CPM: variants seen among roughly 807,000 people sequenced by gnomAD.
CPM encodes renal carboxypeptidase.
Under a neutral mutation model 46.4 loss-of-function variants are expected in CPM, and 35 were observed. That is an observed-to-expected ratio of 0.75 (90% CI 0.58 to 1.00). The LOEUF (loss-of-function observed/expected upper bound fraction) is 1.00, where lower values mean the gene tolerates loss of function less well. CPM is among the 50% of genes least tolerant of loss of function. CPM has a pLI of 0.00. For synonymous variants in CPM, 195 were observed against 195.3 expected, an observed-to-expected ratio of 1.00 and a Z score of 0.01; for missense variants, 422 against 530.4, an observed-to-expected ratio of 0.80 and a Z score of 2.01.
chr12:68,957,868 T>C (rs1592717509), intron 1 of CPM, among the ~76,000 whole-genome samples: 1 of 119,404 alleles, frequency 8.4e-6, no homozygotes, highest in Non-Finnish European at 1.7e-5. Context: ...CAGGCCCCAG[T>C]GTGTGATGTT....
At chr12:68,961,004 C>A (rs911096392) in intron 1 of CPM, among the ~76,000 whole-genome samples, 2 of 152,042 alleles carry the variant, frequency 1.3e-5, no homozygotes, top group African/African-American at 4.8e-5. Flanking sequence ...GACTGTCATC[C>A]CCAGTAAAAA....
intron 1 of CPM, among the ~76,000 whole-genome samples, chr12:68,945,135 T>C (rs1445880228): frequency 4.6e-5 from 7 of 152,180 alleles, no homozygotes; most frequent in Admixed American, 3.9e-4. Context: ...ATTATAAAAG[T>C]ATACCTATAC....
chr12:68,880,450 C>T (rs1690918), intron 3 of CPM, among the ~76,000 whole-genome samples: 121,932 of 152,160 alleles, frequency 0.8, 48,992 homozygotes, highest in African/African-American at 0.87. Flanking sequence ...TGTTGCCCTC[C>T]AAGAGCTTGT....
At chr12:68,911,451 A>G (rs1887590786) in intron 2 of CPM, among the ~76,000 whole-genome samples, 1 of 152,188 alleles carries the variant, frequency 6.6e-6, no homozygotes, top group African/African-American at 2.4e-5. Context: ...AAGTTACTTA[A>G]CCACTGGCAA....
intron 2 of CPM, among the ~76,000 whole-genome samples, chr12:68,893,316 C>T (rs1886734293): frequency 6.6e-6 from 1 of 152,086 alleles, no homozygotes; most frequent in African/African-American, 2.4e-5. Context: ...TTGGGCCAGT[C>T]CACATGAACA....
rs1157168767 is a variant in CPM, at chr12:68,854,052, T to C, written c.*2385A>G. 2.0e-5 allele frequency: 3 copies of C among 152,188 alleles called. No individual in the cohort carries two copies. The highest frequency in any genetic ancestry group is 2.9e-5 in the Non-Finnish European group (2 of 68,028). The allele number at this position is 152,188 out of a possible 1,614,324, so 9.4% of individuals were successfully genotyped here. A position where few individuals can be genotyped will look rare whatever the true frequency, so the allele number is the denominator to read the frequency against. ...TCTGATAAAAAAAGGTACTTTGTAG[T>C]GCTGTTAGGAGGTAACATAATACCT... On this transcript the variant is annotated 3_prime_UTR_variant, in exon 9 of 9. Transcript: ENST00000551568.
chr12:68,929,334 AT>A (rs1296820930), intron 2 of CPM, among the ~76,000 whole-genome samples: 1 of 152,144 alleles, frequency 6.6e-6, no homozygotes, highest in Non-Finnish European at 1.5e-5. Flanking sequence ...GATATAGATT[AT>A]TGATTATGTG....
chr12:68,941,780 C>G (rs977685956), intron 1 of CPM, among the ~76,000 whole-genome samples: 1 of 152,152 alleles, frequency 6.6e-6, no homozygotes, highest in South Asian at 2.1e-4. Context: ...TGGTACCTCC[C>G]CCAGTACTAA....
chr12:68,882,043 T>TC (rs1886216940), intron 3 of CPM, among the ~76,000 whole-genome samples: 1 of 151,334 alleles, frequency 6.6e-6, no homozygotes, highest in Non-Finnish European at 1.5e-5. Context: ...TTTTTTTTTT[T>TC]TTTAACATTT....
chr12:68,963,224 G>A (rs531958634), exon 1 of CPM: 15 of 198,600 alleles, frequency 7.6e-5, no homozygotes, highest in African/African-American at 2.8e-4. Context: ...TGTCCCATAC[G>A]CAGAAGGAAG....
intron 1 of CPM, among the ~76,000 whole-genome samples, chr12:68,959,046 G>A (rs886870564): frequency 2.0e-5 from 3 of 152,064 alleles, no homozygotes; most frequent in Non-Finnish European, 4.4e-5. Flanking sequence ...CTGCACCCCA[G>A]CTGTCATTTC....
At chr12:68,946,047 G>A (rs949278573) in intron 1 of CPM, among the ~76,000 whole-genome samples, 1 of 150,190 alleles carries the variant, frequency 6.7e-6, no homozygotes, top group Non-Finnish European at 1.5e-5. Flanking sequence ...GTAGAGATGG[G>A]GTCTCCCTAT....
At chr12:68,915,244 AG>A (rs1340601571) in intron 2 of CPM, among the ~76,000 whole-genome samples, 2 of 152,188 alleles carry the variant, frequency 1.3e-5, no homozygotes, top group African/African-American at 4.8e-5. Flanking sequence ...CAATGACAAA[AG>A]CCTTCTAAAA....
Position 68,900,451 on chromosome 12 carries a change from C to T in CPM, c.161-14562G>A, listed in dbSNP as rs527787317. Reference sequence around the variant, plus strand: ...CATTGCTGGTGGGAATGCAAAATGGCCAATTTGGAAAGCAGTTTGCAAGTG... The same window carrying T: ...CATTGCTGGTGGGAATGCAAAATGGTCAATTTGGAAAGCAGTTTGCAAGTG... On this transcript the variant is annotated intron_variant, in intron 2 of 8. Transcript: ENST00000551568. Among the ~76,000 whole-genome samples the T allele has an allele frequency of 5.9e-5, 9 of 152,234 alleles. No homozygotes were observed. In the South Asian group the frequency reaches 1.9e-3, roughly 32 times the overall value.
At chr12:68,896,910 T>C (rs368253155) in intron 2 of CPM, among the ~76,000 whole-genome samples, 87 of 150,668 alleles carry the variant, frequency 5.8e-4, no homozygotes, top group South Asian at 2.7e-3. Context: ...ACGTTTTTAA[T>C]TGAAAAAAAA....
At chr12:68,884,255 C>A (rs974922128) in intron 3 of CPM, among the ~76,000 whole-genome samples, 16 of 152,228 alleles carry the variant, frequency 1.1e-4, no homozygotes, top group African/African-American at 3.9e-4. Flanking sequence ...TGGTCAGACT[C>A]CTTGCAACGT....
chr12:68,903,531 A>C (rs60365286), intron 2 of CPM, among the ~76,000 whole-genome samples: 18,146 of 152,250 alleles, frequency 0.12, 1,193 homozygotes, highest in East Asian at 0.17. Flanking sequence ...CTTAAAATGT[A>C]AGTTGAGAAA....
In CPM at chr12:68,856,309, CTCT is replaced by C; in HGVS notation, c.*125_*127del. On this transcript the variant is annotated 3_prime_UTR_variant, in exon 9 of 9. Transcript: ENST00000551568. ...TTGTGGAATTTGGAAACATCCATTT[CTCT>C]TCTTCAGGAAGATCGTGGAGTTTCT... is the stretch of plus-strand genomic sequence containing the variant. 1 of 1,051,880 alleles carries C rather than the reference CTCT, an allele frequency of 9.5e-7. No individual in the cohort carries two copies. Among genetic ancestry groups the C allele is most frequent in the South Asian group, 1.6e-5 (1 of 62,694 alleles). 65.2% of individuals were successfully genotyped at this position (1,051,880 alleles called of 1,614,324 possible).
intron 3 of CPM, 27 bp downstream of exon 3, chr12:68,885,765 T>A: frequency 6.3e-7 from 1 of 1,578,182 alleles, no homozygotes; most frequent in South Asian, 1.1e-5. Flanking sequence ...TCTGGTGACA[T>A]TTCAGAAATT....
Sources: gnomAD v4.1 joint callset for allele counts (sites outside exome capture counted in the v4.1 genomes callset) on GRCh38, gnomAD v4.1.1 for gene constraint, MANE v1.5 for transcripts, NCBI Gene and HGNC (gene_info 2026-07-23, HGNC 2026-07-21) for gene names.